Variants in PRKAR1B observed in about 807,000 individuals in gnomAD.
PRKAR1B encodes protein kinase cAMP-dependent type I regulatory subunit beta.
Under a neutral mutation model 46.5 loss-of-function variants are expected in PRKAR1B, and 22 were observed. The observed-to-expected ratio is 0.47, with a 90% CI of 0.34 to 0.68. PRKAR1B has a LOEUF of 0.68. PRKAR1B is among the 30% of genes least tolerant of loss of function. The probability of loss-of-function intolerance (pLI) is 0.01; values close to 1 mark genes in which losing one functional copy is unlikely to be tolerated. For missense variants in PRKAR1B, 445 were observed against 535.6 expected (o/e 0.83, Z 1.67); for synonymous variants, 259 against 217.7 (o/e 1.19, Z -1.67).
chr7:558,374 G>A (rs1214340393), intron 9 of PRKAR1B, among the ~76,000 whole-genome samples: 3 of 150,274 alleles, frequency 2.0e-5, no homozygotes, highest in East Asian at 2.0e-4. Context: ...GGAGGAGGAG[G>A]AGAAGAAGAA....
intron 4 of PRKAR1B, among the ~76,000 whole-genome samples, chr7:665,584 G>A (rs1402877503): frequency 6.6e-6 from 1 of 152,192 alleles, no homozygotes; most frequent in East Asian, 1.9e-4. Flanking sequence ...GATCCAGCTG[G>A]GCTTTCTGCA....
chr7:669,867 A>ATTT (rs570284003), intron 4 of PRKAR1B, among the ~76,000 whole-genome samples: 15 of 131,446 alleles, frequency 1.1e-4, no homozygotes, highest in African/African-American at 1.7e-4. Flanking sequence ...CACGTGCCAT[A>ATTT]TTTTTTTTTT....
At chr7:630,723 G>A (rs1358158036) in intron 4 of PRKAR1B, among the ~76,000 whole-genome samples, 1 of 152,056 alleles carries the variant, frequency 6.6e-6, no homozygotes, top group Non-Finnish European at 1.5e-5. Flanking sequence ...CAAAGCTGGA[G>A]GCTCCCTCAG....
intron 4 of PRKAR1B, among the ~76,000 whole-genome samples, chr7:612,364 G>A (rs1314117679): frequency 6.6e-6 from 1 of 150,542 alleles, no homozygotes; most frequent in East Asian, 2.0e-4. Context: ...ATGGACAGGT[G>A]GGTGGATGTA....
At chr7:576,673 G>C (rs752831873) in intron 9 of PRKAR1B, among the ~76,000 whole-genome samples, 12 of 151,478 alleles carry the variant, frequency 7.9e-5, no homozygotes, top group African/African-American at 2.7e-4. Flanking sequence ...GAAATCTCCC[G>C]GCATCTCGGA....
intron 4 of PRKAR1B, among the ~76,000 whole-genome samples, chr7:616,706 T>A (rs962323553): frequency 2.0e-5 from 3 of 152,150 alleles, no homozygotes; most frequent in Non-Finnish European, 4.4e-5. Context: ...CCCAGCCTTT[T>A]CCCTCCACAC....
intron 1 of PRKAR1B, among the ~76,000 whole-genome samples, chr7:726,450 G>A (rs1049667906): frequency 6.6e-6 from 1 of 152,152 alleles, no homozygotes; most frequent in African/African-American, 2.4e-5. Flanking sequence ...CCTATAGCCC[G>A]GGACCCGCAT....
rs200446184 is a variant in PRKAR1B at position 631,799 on chromosome 7, A to AC, written c.441-24348_441-24347insG. 4.8e-3 allele frequency among the ~76,000 whole-genome samples: 734 copies of AC among 152,196 alleles called. 14 individuals carry two copies. The highest frequency in any genetic ancestry group is 0.017 in the African/African-American group (695 of 41,524). Reference sequence around the variant, plus strand: ...AGACCCCCATCTCTAAAAAAAAAAAAATTGGAAATTAGCCAGGCATGATGC... The same window carrying AC: ...AGACCCCCATCTCTAAAAAAAAAAAACATTGGAAATTAGCCAGGCATGATGC... On this transcript the variant is annotated intron_variant, in intron 4 of 10. Transcript: ENST00000537384.
chr7:599,361 G>C (rs140510129), intron 6 of PRKAR1B, among the ~76,000 whole-genome samples: 3 of 151,674 alleles, frequency 2.0e-5, no homozygotes, highest in Admixed American at 1.3e-4. Flanking sequence ...GCAATGGTGC[G>C]ATCTCGGCTC....
At position 550,538 on chromosome 7, in the gene PRKAR1B, C is replaced by G; in HGVS notation, c.1038G>C (p.Lys346Asn). The change falls in exon 11 of 11, where the codon AAG becomes AAC. Residue 346 changes from lysine to asparagine, a missense_variant. Lys to Asn is a moderately conservative substitution (Grantham distance 94). This residue lies in a region of PRKAR1B where 127 missense variants were observed against 138.0 expected (regional missense o/e 0.92). Transcript: ENST00000537384. ...AATVVARGPL[K>N]CVKLDRPRFE... ...AGCGGGGCCGGTCCAGCTTCACACA[C>G]TTGAGGGGCCCCCGGGCCACGACAG... 15 of 1,605,682 alleles carry G rather than the reference C, an allele frequency of 9.3e-6. No homozygotes were observed. The highest frequency in any genetic ancestry group is 1.3e-5 in the Non-Finnish European group (15 of 1,176,696).
chr7:718,859 T>C (rs1008654352), intron 1 of PRKAR1B, among the ~76,000 whole-genome samples: 1 of 145,650 alleles, frequency 6.9e-6, no homozygotes, highest in Non-Finnish European at 1.5e-5. Flanking sequence ...ATCTCTTTTA[T>C]AGGCTTTTTT....
chr7:579,213 C>T lies in PRKAR1B; in HGVS notation c.891+43G>A, dbSNP rs774677343. The stretch of plus-strand genomic sequence containing the variant: ...AGGAGAAGGTAAGAAGTGCCCCTGC[C>T]CCAGTGCACACCCAGAGCGCCCACG... On this transcript the variant is annotated intron_variant, in intron 9 of 10. Transcript: ENST00000537384. 7 of 1,613,366 alleles carry T rather than the reference C, an allele frequency of 4.3e-6. No homozygotes were observed. The Admixed American group carries it at 1.2e-4, about 27-fold the overall frequency.
intron 4 of PRKAR1B, among the ~76,000 whole-genome samples, chr7:615,143 A>C (rs1048047184): frequency 4.6e-5 from 7 of 151,810 alleles, no homozygotes; most frequent in Non-Finnish European, 1.0e-4. Context: ...GAGAGAAAGA[A>C]GGCCAGGTGC....
chr7:646,100 C>T (rs1784607016), intron 4 of PRKAR1B, among the ~76,000 whole-genome samples: 1 of 152,054 alleles, frequency 6.6e-6, no homozygotes, highest in Admixed American at 6.6e-5. Context: ...GGTTGAAGTG[C>T]AGTGGTGCAA....
At chr7:600,142 G>A (rs914010784) in intron 6 of PRKAR1B, among the ~76,000 whole-genome samples, 6 of 152,242 alleles carry the variant, frequency 3.9e-5, no homozygotes, top group South Asian at 2.1e-4. Flanking sequence ...GTAAAACAAC[G>A]TGAATATTCT....
chr7:557,696 C>T (rs879532682), intron 9 of PRKAR1B, among the ~76,000 whole-genome samples: 8 of 152,212 alleles, frequency 5.3e-5, no homozygotes, highest in Admixed American at 5.2e-4. Context: ...GCTTGAGACG[C>T]ACCACGGTCT....
intron 9 of PRKAR1B, among the ~76,000 whole-genome samples, chr7:569,519 G>A (rs1779377248): frequency 1.3e-5 from 2 of 152,246 alleles, no homozygotes; most frequent in South Asian, 4.1e-4. Flanking sequence ...TGTGCCCAAG[G>A]CCCTGGGGGA....
At chr7:559,726 A>AC (rs1778669617) in intron 9 of PRKAR1B, among the ~76,000 whole-genome samples, 1 of 152,146 alleles carries the variant, frequency 6.6e-6, no homozygotes, top group Non-Finnish European at 1.5e-5. Context: ...AGGCACATGC[A>AC]CCCCAAGTCC....
chr7:652,246 C>T (rs1784943022), intron 4 of PRKAR1B, among the ~76,000 whole-genome samples: 1 of 147,924 alleles, frequency 6.8e-6, no homozygotes, highest in African/African-American at 2.5e-5. Flanking sequence ...TTCACACCCA[C>T]ACAGCGCTAG....
Sources: gnomAD v4.1 joint callset for allele counts (sites outside exome capture counted in the v4.1 genomes callset) on GRCh38, gnomAD v4.1.1 for gene constraint, gnomAD v4.1.1 regional missense constraint, MANE v1.5 for transcripts, NCBI Gene and HGNC (gene_info 2026-07-23, HGNC 2026-07-21) for gene names.